The following ELMOD1 variants were observed in gnomAD, a reference collection of about 807,000 sequenced individuals.
The protein encoded by ELMOD1 is ELMO domain-containing protein 1.
ELMOD1 carries 21 observed loss-of-function variants against 46.7 expected under a neutral mutation model. That is an observed-to-expected ratio of 0.45 (90% CI 0.32 to 0.65). ELMOD1 has a LOEUF of 0.65. ELMOD1 is among the 30% of genes least tolerant of loss of function. ELMOD1 has a pLI of 0.04. For synonymous variants in ELMOD1, 122 were observed against 138.2 expected, an observed-to-expected ratio of 0.88 and a Z score of 0.82; for missense variants, 348 against 407.8, an observed-to-expected ratio of 0.85 and a Z score of 1.26.
At position 107,598,827 on chromosome 11, in the gene ELMOD1, CCAGTT is replaced by C. The variant is rs1865538621; in HGVS notation, c.-86+7420_-86+7424del. 3.9e-5 allele frequency among the ~76,000 whole-genome samples: 6 copies of C among 152,196 alleles called. No individual in the cohort carries two copies. In the South Asian group the frequency reaches 1.2e-3, roughly 32 times the overall value. Reference sequence around the variant, plus strand: ...ATTTTTGGCTACATAGCCTCCATACCCAGTTCTCTAGCCCACCTGGAGATTTTGTG... The same window carrying C: ...ATTTTTGGCTACATAGCCTCCATACCCTCTAGCCCACCTGGAGATTTTGTG... On this transcript the variant is annotated intron_variant, in intron 1 of 11. Coordinates refer to ENST00000265840, the MANE Select transcript of ELMOD1 (RefSeq NM_018712.4).
At position 107,647,454 on chromosome 11, in the gene ELMOD1, T is replaced by G. The variant is rs746868198; in HGVS notation, c.421-14T>G. 2 of 1,605,730 alleles carry G rather than the reference T, an allele frequency of 1.2e-6. No homozygotes were observed. Among genetic ancestry groups the G allele is most frequent in the South Asian group, 1.1e-5 (1 of 89,114 alleles). On this transcript the variant is annotated splice_polypyrimidine_tract_variant and intron_variant, in intron 6 of 11. Coordinates refer to ENST00000265840, the MANE Select transcript of ELMOD1 (RefSeq NM_018712.4). Reference sequence around the variant, plus strand: ...GGTGTATCAACAGAGTAATCCTTTTTTTTTTTCCTACAGTTATGGAAATTC... The same window carrying G: ...GGTGTATCAACAGAGTAATCCTTTTGTTTTTTCCTACAGTTATGGAAATTC...
At chr11:107,601,554 T>C (rs1939901) in intron 1 of ELMOD1, among the ~76,000 whole-genome samples, 1 of 151,558 alleles carries the variant, frequency 6.6e-6, no homozygotes, top group Non-Finnish European at 1.5e-5. Context: ...TAGCTGGGAT[T>C]ACAGGCACGT....
intron 2 of ELMOD1, among the ~76,000 whole-genome samples, chr11:107,627,959 G>A (rs1331657795): frequency 1.3e-5 from 2 of 152,006 alleles, no homozygotes; most frequent in African/African-American, 4.8e-5. Context: ...AGATATTAGG[G>A]AAAGCTTTTA....
chr11:107,656,025 C>A lies in ELMOD1; in HGVS notation c.791C>A (p.Ala264Asp). 6.4e-7 allele frequency: 1 copy of A among 1,562,060 alleles called. No individual in the cohort carries two copies. Residue 264 changes from alanine to aspartate, a missense_variant, in exon 11 of 12, where the codon GCC becomes GAC. Physicochemically the swap from Ala to Asp is moderately radical, Grantham distance 126. Transcript: ENST00000265840. Reference sequence around the variant, plus strand: ...CTAAAAACCCATTTCTACAATATCGCCCCAGAAGCTCCAACATTGTCTCAC... The same window carrying A: ...CTAAAAACCCATTTCTACAATATCGACCCAGAAGCTCCAACATTGTCTCAC... ...GALKTHFYNI[A>D]PEAPTLSHFQ... is the part of the protein sequence containing the mutation.
chr11:107,665,035 G>T lies in ELMOD1; in HGVS notation c.843G>T (p.Met281Ile). Residue 281 changes from methionine (M) to isoleucine (I), a missense_variant, in exon 12 of 12, where the codon ATG becomes ATT. Physicochemically the swap from Met to Ile is conservative, Grantham distance 10. Transcript: ENST00000265840. The stretch of plus-strand genomic sequence containing the variant: ...TATTGTCTCCAACAGGCTATTTGAT[G>T]CATGAATTTCATAAGTTTTGGATCG... ...SHFQQTFCYL[M>I]HEFHKFWIEE... 6.2e-7 allele frequency: 1 copy of T among 1,612,704 alleles called. No individual in the cohort carries two copies. The highest frequency in any genetic ancestry group is 2.2e-5 in the East Asian group (1 of 44,852).
chr11:107,629,728 A>G (rs1238146640), intron 2 of ELMOD1, among the ~76,000 whole-genome samples: 1 of 152,202 alleles, frequency 6.6e-6, no homozygotes, highest in East Asian at 1.9e-4. Flanking sequence ...GAGTTTTTGA[A>G]ACATTTAAAT....
At chr11:107,591,705 G>C (rs1021209590) in intron 1 of ELMOD1, 1 of 369,206 alleles carries the variant, frequency 2.7e-6, no homozygotes, top group African/African-American at 2.1e-5. Context: ...GGCGTAGGTC[G>C]CCTAGCGACC....
chr11:107,612,767 G>A (rs1865801296), intron 1 of ELMOD1, among the ~76,000 whole-genome samples: 1 of 152,094 alleles, frequency 6.6e-6, no homozygotes, highest in Non-Finnish European at 1.5e-5. Flanking sequence ...TTAAAACAAA[G>A]CTACTTGACT....
At chr11:107,608,666 G>A (rs972184589) in intron 1 of ELMOD1, among the ~76,000 whole-genome samples, 4 of 152,146 alleles carry the variant, frequency 2.6e-5, no homozygotes, top group African/African-American at 4.8e-5. Flanking sequence ...ATGTATTTTC[G>A]CTCCATTGTA....
intron 1 of ELMOD1, among the ~76,000 whole-genome samples, chr11:107,614,431 C>T (rs150248259): frequency 0.012 from 1,822 of 152,218 alleles, 35 homozygotes; most frequent in African/African-American, 0.04. Flanking sequence ...TTCCACCTCC[C>T]GGGTTCAAGC....
At chr11:107,660,696 C>T (rs1169322138) in intron 11 of ELMOD1, among the ~76,000 whole-genome samples, 1 of 152,182 alleles carries the variant, frequency 6.6e-6, no homozygotes, top group African/African-American at 2.4e-5. Flanking sequence ...ATATCTGCAT[C>T]TGAAAGATGG....
intron 6 of ELMOD1, among the ~76,000 whole-genome samples, chr11:107,637,883 G>GT (rs1866256877): frequency 1.3e-5 from 2 of 151,912 alleles, no homozygotes; most frequent in African/African-American, 4.8e-5. Context: ...CTGTTGGAGG[G>GT]ATTTTTTTTT....
intron 1 of ELMOD1, among the ~76,000 whole-genome samples, chr11:107,606,145 C>T (rs1252246078): frequency 6.6e-6 from 1 of 152,208 alleles, no homozygotes; most frequent in Non-Finnish European, 1.5e-5. Flanking sequence ...ATGAGTCCCT[C>T]ACCTGTCTAG....
At chr11:107,615,423 C>G (rs554135817) in intron 1 of ELMOD1, among the ~76,000 whole-genome samples, 1 of 151,580 alleles carries the variant, frequency 6.6e-6, no homozygotes, top group Admixed American at 6.6e-5. Context: ...TTAGTAGAGA[C>G]GGGGTTTCAC....
chr11:107,593,701 A>G (rs1664289805), intron 1 of ELMOD1, among the ~76,000 whole-genome samples: 1 of 152,162 alleles, frequency 6.6e-6, no homozygotes, highest in Non-Finnish European at 1.5e-5. Context: ...ATAAACAGTG[A>G]ATTATTGTTT....
At chr11:107,602,909 C>CT (rs1865626382) in intron 1 of ELMOD1, among the ~76,000 whole-genome samples, 1 of 152,184 alleles carries the variant, frequency 6.6e-6, no homozygotes, top group Non-Finnish European at 1.5e-5. Context: ...GCTAATGCTT[C>CT]TTTGGGGGAG....
chr11:107,618,349 G>GTTATTCTTAGCAA, intron 2 of ELMOD1, 143 bp downstream of exon 2: 1 of 967,912 alleles, frequency 1.0e-6, no homozygotes, highest in Non-Finnish European at 1.6e-6. Context: ...TTTTTGCTAA[G>GTTATTCTTAGCAA]AATAACTTGG....
At chr11:107,612,256 C>G (rs537275102) in intron 1 of ELMOD1, among the ~76,000 whole-genome samples, 296 of 152,124 alleles carry the variant, frequency 1.9e-3, no homozygotes, top group Middle Eastern at 6.8e-3. Context: ...AAAATTAACA[C>G]GGAAAACAAA....
intron 5 of ELMOD1, among the ~76,000 whole-genome samples, chr11:107,634,246 C>T (rs945835398): frequency 1.3e-5 from 2 of 152,068 alleles, no homozygotes; most frequent in African/African-American, 2.4e-5. Context: ...AAAAAATAAA[C>T]GTGAAGTGCT....
Sources: gnomAD v4.1 joint callset for allele counts (sites outside exome capture counted in the v4.1 genomes callset) on GRCh38, gnomAD v4.1.1 for gene constraint, MANE v1.5 for transcripts, NCBI Gene and HGNC (gene_info 2026-07-23, HGNC 2026-07-21) for gene names.